ZNF43: variants seen among roughly 807,000 people sequenced by gnomAD.
ZNF43 encodes zinc finger protein 39-like 1 (KOX 27).
ZNF43 carries 44 observed loss-of-function variants against 68.4 expected under a neutral mutation model. The observed-to-expected ratio is 0.64, with a 90% CI of 0.51 to 0.83. The LOEUF (loss-of-function observed/expected upper bound fraction) is 0.83, where lower values mean the gene tolerates loss of function less well. ZNF43 is among the 40% of genes least tolerant of loss of function. The pLI, the probability that ZNF43 is intolerant of heterozygous loss-of-function variation, is 0.00. For missense variants in ZNF43, 896 were observed against 933.2 expected (o/e 0.96, Z 0.52); for synonymous variants, 308 against 307.8 (o/e 1.00, Z -0.01).
chr19:21,806,878 A>T lies in ZNF43; in HGVS notation c.*729T>A, dbSNP rs189799388. 2 of 152,096 alleles carry T rather than the reference A, an allele frequency of 1.3e-5. No homozygotes were observed. The highest frequency in any genetic ancestry group is 2.4e-5 in the African/African-American group (1 of 41,424). 9.4% of individuals were successfully genotyped at this position (152,096 alleles called of 1,614,324 possible). A position where few individuals can be genotyped will look rare whatever the true frequency, so the allele number is the denominator to read the frequency against. On this transcript the variant is annotated 3_prime_UTR_variant, in exon 4 of 4. Transcript: ENST00000354959. ...TTACATAAACTTAATTTCGGATTAAATTTTTTTCATTTTTACTGCATCTGC... is the reference window on the plus strand; with the variant it reads ...TTACATAAACTTAATTTCGGATTAATTTTTTTTCATTTTTACTGCATCTGC...
At chr19:21,819,842 T>G (rs988465825) in intron 1 of ZNF43, among the ~76,000 whole-genome samples, 1 of 152,124 alleles carries the variant, frequency 6.6e-6, no homozygotes, top group Non-Finnish European at 1.5e-5. Context: ...AAAGAAAACC[T>G]AAGAAAGAAG....
At chr19:21,851,789 G>T in intron 1 of ZNF43, 1 of 1,158,620 alleles carries the variant, frequency 8.6e-7, no homozygotes, top group Non-Finnish European at 1.2e-6. Context: ...GGCCAGAGGG[G>T]CCTGGGGCGG....
chr19:21,820,902 C>T (rs10404640), intron 1 of ZNF43, among the ~76,000 whole-genome samples: 1 of 145,684 alleles, frequency 6.9e-6, no homozygotes, highest in Admixed American at 7.0e-5. Context: ...GGTGCGATCT[C>T]GGCTCACTGT....
chr19:21,831,822 T>C (rs966733054), intron 1 of ZNF43, among the ~76,000 whole-genome samples: 2 of 152,056 alleles, frequency 1.3e-5, no homozygotes, highest in African/African-American at 4.8e-5. Context: ...TCCAGAAATA[T>C]AGCTAACCAG....
In ZNF43 at chr19:21,822,052, CAGA is replaced by C. The variant is rs1200693984; in HGVS notation, c.4-2834_4-2832del. On this transcript the variant is annotated intron_variant, in intron 1 of 3. Coordinates refer to ENST00000354959, the MANE Select transcript of ZNF43 (RefSeq NM_003423.4). ...TGCCTACTACCACCACACCCACAGGCAGAAGGACCAAGACCTGCAGAAAAAGTT... is the reference window on the plus strand; with the variant it reads ...TGCCTACTACCACCACACCCACAGGCAGGACCAAGACCTGCAGAAAAAGTT... Among the ~76,000 whole-genome samples the C allele has an allele frequency of 6.6e-5, 10 of 152,384 alleles. No homozygotes were observed. The East Asian group carries it at 1.9e-3, about 29-fold the overall frequency.
Position 21,807,983 on chromosome 19 carries a change from T to C in ZNF43, c.2054A>G (p.Lys685Arg), listed in dbSNP as rs750905749. 5 of 1,612,888 alleles carry C rather than the reference T, an allele frequency of 3.1e-6. No homozygotes were observed. The South Asian group carries it at 5.5e-5, about 18-fold the overall frequency. Residue 685 changes from lysine to arginine, a missense_variant, in exon 4 of 4, where the codon AAA becomes AGA. Transcript: ENST00000354959. ...EKPYKCEECG[K>R]AFKLSSTLST... ...AAGGGTTGAGGACAGTTTAAAAGCT[T>C]TGCCACATTCTTCACATTTGTAGGG...
chr19:21,806,270 A>C lies in ZNF43; in HGVS notation c.*1337T>G, dbSNP rs2036938051. On this transcript the variant is annotated 3_prime_UTR_variant, in exon 4 of 4. Coordinates refer to ENST00000354959, the MANE Select transcript of ZNF43 (RefSeq NM_003423.4). ...CGGCTCACTGAGACCTCCACTTTCC[A>C]GGTTCAAGTGATTCTCCTGCTTCAG... 6.7e-6 allele frequency: 1 copy of C among 149,962 alleles called. No homozygotes were observed. The highest frequency in any genetic ancestry group is 1.5e-5 in the Non-Finnish European group (1 of 67,820). The allele number at this position is 149,962 out of a possible 1,614,324, so 9.3% of individuals were successfully genotyped here.
chr19:21,841,243 GC>G (rs1280805338), intron 1 of ZNF43: 1 of 152,194 alleles, frequency 6.6e-6, no homozygotes, highest in Non-Finnish European at 1.5e-5. Context: ...TGTGAACTGG[GC>G]TAAAGTGTAT....
chr19:21,835,892 C>G, intron 1 of ZNF43, 144 bp downstream of exon 1: 1 of 1,417,712 alleles, frequency 7.1e-7, no homozygotes, highest in Admixed American at 1.9e-5. Flanking sequence ...CCTCCCAGAG[C>G]AGCCGCCATC....
At chr19:21,810,742 G>A (rs1203344389) in intron 3 of ZNF43, among the ~76,000 whole-genome samples, 1 of 151,930 alleles carries the variant, frequency 6.6e-6, no homozygotes, top group Non-Finnish European at 1.5e-5. Context: ...GGGGCCACAA[G>A]TTTGAGACCA....
At chr19:21,849,019 C>T (rs957830491) in intron 1 of ZNF43, among the ~76,000 whole-genome samples, 1 of 152,128 alleles carries the variant, frequency 6.6e-6, no homozygotes, top group Non-Finnish European at 1.5e-5. Flanking sequence ...ACAATTTTAA[C>T]GGTGGACTGT....
intron 1 of ZNF43, 89 bp from the exon 2 acceptor site, chr19:21,819,310 G>C (rs925360303): frequency 7.0e-7 from 1 of 1,424,748 alleles, no homozygotes; most frequent in Non-Finnish European, 9.4e-7. Context: ...GGTAAAATGA[G>C]AGAGTAAAGA....
intron 3 of ZNF43, among the ~76,000 whole-genome samples, chr19:21,815,486 CATATATATAT>C (rs58951070): frequency 7.2e-6 from 1 of 139,546 alleles, no homozygotes; most frequent in East Asian, 2.1e-4. Context: ...AACTAAATTA[CATATATATAT>C]ATATATATAT....
At chr19:21,829,256 A>C (rs959740989) in intron 1 of ZNF43, among the ~76,000 whole-genome samples, 4 of 151,854 alleles carry the variant, frequency 2.6e-5, no homozygotes, top group African/African-American at 9.7e-5. Flanking sequence ...ACCACACACA[A>C]AAAAAACTAC....
intron 1 of ZNF43, among the ~76,000 whole-genome samples, chr19:21,850,283 C>T (rs939236676): frequency 7.0e-6 from 1 of 143,830 alleles, no homozygotes; most frequent in African/African-American, 2.6e-5. Context: ...CTGGGCAGGG[C>T]CAGACACGGT....
intron 1 of ZNF43, among the ~76,000 whole-genome samples, chr19:21,823,452 T>C (rs2037950028): frequency 6.6e-6 from 1 of 152,138 alleles, no homozygotes; most frequent in African/African-American, 2.4e-5. Context: ...CTTGTCAGCA[T>C]GACACAATTC....
chr19:21,842,055 C>T (rs1967572955), intron 1 of ZNF43, among the ~76,000 whole-genome samples: 1 of 152,050 alleles, frequency 6.6e-6, no homozygotes, highest in Admixed American at 6.6e-5. Flanking sequence ...CTCTCCTTTT[C>T]TAACTGAAAC....
chr19:21,834,183 C>T (rs895273031), intron 1 of ZNF43, among the ~76,000 whole-genome samples: 1 of 151,306 alleles, frequency 6.6e-6, no homozygotes, highest in African/African-American at 2.4e-5. Context: ...AACAAAAATA[C>T]AAAAATTAGC....
At position 21,808,185 on chromosome 19, in the gene ZNF43, C is replaced by T; in HGVS notation, c.1852G>A (p.Gly618Arg). 6.2e-7 allele frequency: 1 copy of T among 1,612,944 alleles called. No individual in the cohort carries two copies. Among genetic ancestry groups the T allele is most frequent in the South Asian group, 1.1e-5 (1 of 90,950 alleles). The change falls in exon 4 of 4, where the codon GGA becomes AGA. Residue 618 changes from glycine to arginine, a missense_variant. Coordinates refer to ENST00000354959, the MANE Select transcript of ZNF43 (RefSeq NM_003423.4). Reference protein sequence around the residue: ...NLTTHKKIHTGGKPYKCEECG... With the variant: ...NLTTHKKIHTRGKPYKCEECG... ...TCTTCACATTTGTAGGGTTTTCCTC[C>T]AGTATGAATTTTTTTATGTGTAGTA... is the stretch of plus-strand genomic sequence containing the variant.
Sources: gnomAD v4.1 joint callset for allele counts (sites outside exome capture counted in the v4.1 genomes callset) on GRCh38, gnomAD v4.1.1 for gene constraint, MANE v1.5 for transcripts, NCBI Gene and HGNC (gene_info 2026-07-23, HGNC 2026-07-21) for gene names.